Variants in CSMD1 observed in about 807,000 individuals in gnomAD.
The protein encoded by CSMD1 is CUB and sushi domain-containing protein 1.
A neutral mutation model predicts 417.5 loss-of-function variants in CSMD1; 213 were observed. The observed-to-expected ratio is 0.51, with a 90% CI of 0.46 to 0.57. The LOEUF is 0.57. Among genes scored for constraint, CSMD1 ranks in the 20% least tolerant of loss-of-function variants. The probability of loss-of-function intolerance (pLI) is 0.00; values close to 1 mark genes in which losing one functional copy is unlikely to be tolerated. For missense variants in CSMD1, 6,923 were observed against 4,529.7 expected, an observed-to-expected ratio of 1.53 and a Z score of -15.17; for synonymous variants, 2,862 against 1,736.8, an observed-to-expected ratio of 1.65 and a Z score of -16.11.
chr8:4,360,067 G>A (rs765587584), intron 3 of CSMD1, among the ~76,000 whole-genome samples: 17 of 152,154 alleles, frequency 1.1e-4, no homozygotes, highest in Non-Finnish European at 1.9e-4. Context: ...GTCTCTGACC[G>A]CCTGGGATCT....
At chr8:4,847,237 C>G (rs532606645) in intron 1 of CSMD1, among the ~76,000 whole-genome samples, 1 of 151,944 alleles carries the variant, frequency 6.6e-6, no homozygotes, top group African/African-American at 2.4e-5. Context: ...AGTAATAATG[C>G]GTTTGATGAT....
chr8:4,790,745 T>C (rs1797643841), intron 1 of CSMD1, among the ~76,000 whole-genome samples: 1 of 152,184 alleles, frequency 6.6e-6, no homozygotes, highest in Non-Finnish European at 1.5e-5. Context: ...GACTCCCCTA[T>C]TCAATAAATG....
intron 49 of CSMD1, among the ~76,000 whole-genome samples, chr8:3,070,995 A>G (rs1452228920): frequency 6.6e-6 from 1 of 152,064 alleles, no homozygotes; most frequent in East Asian, 1.9e-4. Flanking sequence ...CCTGAGGGAG[A>G]TTTTAATCAT....
chr8:3,889,706 A>G (rs904736047), intron 5 of CSMD1, among the ~76,000 whole-genome samples: 13 of 151,470 alleles, frequency 8.6e-5, no homozygotes, highest in Admixed American at 4.0e-4. Flanking sequence ...ACTTCCTATA[A>G]ATTGAGCTAT....
intron 1 of CSMD1, among the ~76,000 whole-genome samples, chr8:4,684,989 G>A (rs191980327): frequency 0.011 from 1,627 of 152,204 alleles, 15 homozygotes; most frequent in Non-Finnish European, 0.017. Context: ...AAGAAAAAAA[G>A]TGACACTAAC....
chr8:4,872,272 G>T (rs2116919391), intron 1 of CSMD1, among the ~76,000 whole-genome samples: 1 of 152,114 alleles, frequency 6.6e-6, no homozygotes, highest in East Asian at 1.9e-4. Context: ...TTGCAATACT[G>T]CCTGATATGG....
At chr8:4,386,511 A>G (rs1265160288) in intron 3 of CSMD1, among the ~76,000 whole-genome samples, 2 of 152,218 alleles carry the variant, frequency 1.3e-5, no homozygotes, top group Non-Finnish European at 2.9e-5. Flanking sequence ...TCTCAATCCC[A>G]TTGCTTGTCT....
chr8:3,547,651 A>G (rs750047358), intron 10 of CSMD1, among the ~76,000 whole-genome samples: 12 of 152,210 alleles, frequency 7.9e-5, no homozygotes, highest in East Asian at 3.8e-4. Context: ...TTTGTAAGTA[A>G]TATTAATTTA....
intron 26 of CSMD1, among the ~76,000 whole-genome samples, chr8:3,278,010 T>TA (rs1802433975): frequency 6.6e-6 from 1 of 152,132 alleles, no homozygotes; most frequent in African/African-American, 2.4e-5. Flanking sequence ...TGTTGCTTCT[T>TA]AAAAAATATA....
chr8:3,224,639 C>A (rs149999604), intron 27 of CSMD1, among the ~76,000 whole-genome samples: 87 of 152,226 alleles, frequency 5.7e-4, no homozygotes, highest in African/African-American at 1.7e-3. Flanking sequence ...TTAGAAAGAA[C>A]CACTTTATAT....
chr8:4,383,611 G>T (rs544830994), intron 3 of CSMD1, among the ~76,000 whole-genome samples: 1 of 152,120 alleles, frequency 6.6e-6, no homozygotes, highest in African/African-American at 2.4e-5. Context: ...TAATAAAGAC[G>T]TGCTGATTAA....
chr8:4,745,226 G>T (rs370538005), intron 1 of CSMD1, among the ~76,000 whole-genome samples: 2 of 152,110 alleles, frequency 1.3e-5, no homozygotes, highest in African/African-American at 4.8e-5. Context: ...CTATCCAGTT[G>T]TCTCAGCAGT....
chr8:4,717,553 T>C (rs1370479591), intron 1 of CSMD1, among the ~76,000 whole-genome samples: 5 of 123,208 alleles, frequency 4.1e-5, no homozygotes, highest in Admixed American at 7.7e-5. Flanking sequence ...TGTCTACCTA[T>C]CTATCTATCT....
intron 8 of CSMD1, among the ~76,000 whole-genome samples, chr8:3,608,465 A>C (rs139781773): frequency 3.3e-4 from 50 of 152,212 alleles, no homozygotes; most frequent in African/African-American, 1.2e-3. Context: ...ATTTGAAATT[A>C]TATATTAAAA....
At chr8:2,997,911 T>A in intron 54 of CSMD1, 100 bp downstream of exon 54, 1 of 1,153,472 alleles carries the variant, frequency 8.7e-7, no homozygotes, top group Non-Finnish European at 1.2e-6. Context: ...GAACTCTTTA[T>A]GCATTACCCT....
intron 1 of CSMD1, among the ~76,000 whole-genome samples, chr8:4,895,438 T>C (rs920924357): frequency 8.5e-5 from 13 of 152,172 alleles, no homozygotes; most frequent in African/African-American, 3.1e-4. Flanking sequence ...TCATTTTCTG[T>C]GATATCAACA....
chr8:4,519,386 A>C, intron 2 of CSMD1, among the ~76,000 whole-genome samples: 1 of 152,248 alleles, frequency 6.6e-6, no homozygotes, highest in Non-Finnish European at 1.5e-5. Context: ...AGTAAACATA[A>C]AAATAAATAC....
chr8:4,762,068 T>C lies in CSMD1; in HGVS notation c.86-124510A>G, dbSNP rs554375245. Reference sequence around the variant, plus strand: ...TGATTAAGACCAAATAAGTCTCAAATGATGTAAGTATAGTAGCTGGTGTTT... The same window carrying C: ...TGATTAAGACCAAATAAGTCTCAAACGATGTAAGTATAGTAGCTGGTGTTT... On this transcript the variant is annotated intron_variant, in intron 1 of 69. Coordinates refer to ENST00000635120, the MANE Select transcript of CSMD1 (RefSeq NM_033225.6). Among the ~76,000 whole-genome samples, 621 of 152,162 alleles carry C rather than the reference T, an allele frequency of 4.1e-3. 7 individuals are homozygous for C. Among genetic ancestry groups the C allele is most frequent in the Middle Eastern group, 0.017 (5 of 294 alleles).
At chr8:4,948,665 C>T (rs1029698899) in intron 1 of CSMD1, among the ~76,000 whole-genome samples, 1 of 151,926 alleles carries the variant, frequency 6.6e-6, no homozygotes, top group Non-Finnish European at 1.5e-5. Context: ...TGCTAGGTTG[C>T]TAAACTCATA....
Sources: allele counts gnomAD v4.1 joint callset (sites outside exome capture counted in the v4.1 genomes callset), GRCh38; gene constraint gnomAD v4.1.1; transcripts MANE v1.5; gene names NCBI Gene and HGNC (gene_info 2026-07-23, HGNC 2026-07-21).